The following PDS5A variants were observed in gnomAD, a reference collection of about 807,000 sequenced individuals.
The protein encoded by PDS5A is PDS5 cohesin associated factor A, also known as sister chromatid cohesion protein PDS5 homolog A.
A neutral mutation model predicts 167.1 loss-of-function variants in PDS5A; 42 were observed. That is an observed-to-expected ratio of 0.25 (90% CI 0.20 to 0.33). PDS5A has a LOEUF of 0.33. Ranked by LOEUF, PDS5A falls within the 10% of genes least tolerant of loss-of-function variation. The pLI, the probability that PDS5A is intolerant of heterozygous loss-of-function variation, is 1.00. For synonymous variants in PDS5A, 553 were observed against 554.6 expected, an observed-to-expected ratio of 1.00 and a Z score of 0.04; for missense variants, 1,033 against 1,605.9, an observed-to-expected ratio of 0.64 and a Z score of 6.10.
At chr4:39,829,904 T>C (rs572073438) in intron 32 of PDS5A, among the ~76,000 whole-genome samples, 4 of 120,280 alleles carry the variant, frequency 3.3e-5, no homozygotes, top group African/African-American at 1.3e-4. Context: ...AGAGCTGAGA[T>C]CGAGCCACTG....
At position 39,873,067 on chromosome 4, in the gene PDS5A, C is replaced by A; in HGVS notation, c.2355G>T (p.Met785Ile). The change falls in exon 21 of 33, where the codon ATG becomes ATT. Residue 785 changes from methionine to isoleucine, a missense_variant. Met to Ile is a conservative substitution (Grantham distance 10, BLOSUM62 1). Coordinates refer to ENST00000303538, the MANE Select transcript of PDS5A (RefSeq NM_001100399.2). Reference sequence around the variant, plus strand: ...GGGAAGCAAACTGATCTGGTGCTAACATAGAAATGTGGCCCAATGAAACTA... The same window carrying A: ...GGGAAGCAAACTGATCTGGTGCTAAAATAGAAATGTGGCCCAATGAAACTA... ...TPLVSLGHIS[M>I]LAPDQFASPM... is the part of the protein sequence containing the mutation. 2 of 1,560,320 alleles carry A rather than the reference C, an allele frequency of 1.3e-6. No homozygotes were observed. Among genetic ancestry groups the A allele is most frequent in the South Asian group, 1.2e-5 (1 of 83,504 alleles).
intron 16 of PDS5A, among the ~76,000 whole-genome samples, chr4:39,896,490 C>T (rs1366962551): frequency 1.3e-5 from 2 of 151,618 alleles, no homozygotes; most frequent in African/African-American, 4.8e-5. Context: ...TTTTTGGCTG[C>T]ATGTGGTGGC....
At chr4:39,832,540 A>C (rs532622483) in intron 32 of PDS5A, among the ~76,000 whole-genome samples, 18 of 152,024 alleles carry the variant, frequency 1.2e-4, no homozygotes, top group African/African-American at 4.3e-4. Context: ...ATAAACTCAT[A>C]CTAACTTGTT....
At chr4:39,926,518 C>CAAAAAA (rs34277222) in intron 4 of PDS5A, among the ~76,000 whole-genome samples, 1 of 109,208 alleles carries the variant, frequency 9.2e-6, no homozygotes. Flanking sequence ...AACTACGTCT[C>CAAAAAA]AAAAAAAAAA....
chr4:39,825,468 C>T lies in PDS5A; in HGVS notation c.*17G>A. ...GCTTCTGTTTGGCCTTCATTTTCTC[C>T]CTTTGCAAATGCATTTTTACCTTAG... On this transcript the variant is annotated 3_prime_UTR_variant, in exon 33 of 33. Transcript: ENST00000303538. The T allele has an allele frequency of 6.3e-7, 1 of 1,578,604 alleles. No individual in the cohort carries two copies.
chr4:39,887,648 GA>G (rs1410998930), intron 17 of PDS5A, among the ~76,000 whole-genome samples: 1 of 152,146 alleles, frequency 6.6e-6, no homozygotes, highest in Non-Finnish European at 1.5e-5. Context: ...AATGCTTAAA[GA>G]CAGTGATCTG....
At position 39,958,623 on chromosome 4, in the gene PDS5A, T is replaced by C. The variant is rs551890033; in HGVS notation, c.138+17817A>G. Among the ~76,000 whole-genome samples, 44 of 152,034 alleles carry C rather than the reference T, an allele frequency of 2.9e-4. No homozygotes were observed. The South Asian group carries it at 3.7e-3, about 13-fold the overall frequency. On this transcript the variant is annotated intron_variant, in intron 2 of 32. Transcript: ENST00000303538. ...TTCTTGTCTTTTTTTTTTTCTTTTCTTTTTTCTTTGAGACAGAGTCTCACT... is the reference window on the plus strand; with the variant it reads ...TTCTTGTCTTTTTTTTTTTCTTTTCCTTTTTCTTTGAGACAGAGTCTCACT...
intron 9 of PDS5A, among the ~76,000 whole-genome samples, chr4:39,912,003 G>C (rs1011773289): frequency 6.6e-6 from 1 of 152,042 alleles, no homozygotes; most frequent in Admixed American, 6.5e-5. Flanking sequence ...AAAAAACCAA[G>C]TAAACAAAAA....
At chr4:39,969,496 G>A (rs1367581739) in intron 2 of PDS5A, among the ~76,000 whole-genome samples, 1 of 152,030 alleles carries the variant, frequency 6.6e-6, no homozygotes, top group East Asian at 1.9e-4. Context: ...GTAAAACCCC[G>A]TGTCTACTAA....
intron 7 of PDS5A, among the ~76,000 whole-genome samples, chr4:39,919,569 C>T (rs965887202): frequency 6.6e-6 from 1 of 152,052 alleles, no homozygotes. Context: ...GGCGTCAACC[C>T]GGGAGGCGGA....
chr4:39,904,483 C>T (rs896081599), intron 11 of PDS5A, among the ~76,000 whole-genome samples: 8 of 152,076 alleles, frequency 5.3e-5, no homozygotes, highest in African/African-American at 1.7e-4. Context: ...GGACTACAGG[C>T]GCCCGCACGC....
chr4:39,872,582 C>T (rs1720141385), intron 21 of PDS5A, among the ~76,000 whole-genome samples: 2 of 151,996 alleles, frequency 1.3e-5, no homozygotes, highest in African/African-American at 4.8e-5. Flanking sequence ...TGAGAGGAGG[C>T]CAAGGTTGCA....
intron 2 of PDS5A, among the ~76,000 whole-genome samples, chr4:39,964,215 T>A (rs940840458): frequency 3.3e-5 from 5 of 152,066 alleles, no homozygotes; most frequent in African/African-American, 4.8e-5. Context: ...ACCTTATGGA[T>A]GTTAGAGGAA....
chr4:39,852,970 G>A (rs986187342), intron 26 of PDS5A, among the ~76,000 whole-genome samples: 7 of 151,982 alleles, frequency 4.6e-5, no homozygotes, highest in South Asian at 2.1e-4. Context: ...GAAATTGTTC[G>A]CCTGTGAAAT....
chr4:39,873,043 G>C lies in PDS5A; in HGVS notation c.2379C>G (p.Ser793=). 1 of 1,539,638 alleles carries C rather than the reference G, an allele frequency of 6.5e-7. No homozygotes were observed. Among genetic ancestry groups the C allele is most frequent in the African/African-American group, 1.3e-5 (1 of 74,210 alleles). The part of the protein sequence containing the change: ...ISMLAPDQFA[S]PMKSVVANFI... ...AATTTGCTACTACAGATTTCATTGG[G>C]GAAGCAAACTGATCTGGTGCTAACA... Residue 793 remains serine, a synonymous_variant, in exon 21 of 33, where the codon TCC becomes TCG. Transcript: ENST00000303538.
chr4:39,873,626 A>T (rs1026921109), intron 20 of PDS5A, among the ~76,000 whole-genome samples: 2 of 152,200 alleles, frequency 1.3e-5, no homozygotes, highest in African/African-American at 4.8e-5. Flanking sequence ...GGGAAACAGG[A>T]TTAATTTTCA....
chr4:39,961,710 A>C (rs1216774791), intron 2 of PDS5A, among the ~76,000 whole-genome samples: 2 of 152,198 alleles, frequency 1.3e-5, no homozygotes, highest in Non-Finnish European at 2.9e-5. Context: ...AAATATTTTA[A>C]TGTGCCAATA....
chr4:39,956,818 GC>G (rs1333412361), intron 2 of PDS5A, among the ~76,000 whole-genome samples: 1 of 151,752 alleles, frequency 6.6e-6, no homozygotes, highest in East Asian at 1.9e-4. Context: ...GACTATAGGC[GC>G]CTGCACCACA....
chr4:39,915,106 A>G (rs1209638005), intron 8 of PDS5A, among the ~76,000 whole-genome samples: 1 of 151,340 alleles, frequency 6.6e-6, no homozygotes, highest in African/African-American at 2.4e-5. Flanking sequence ...TGGCAGGATC[A>G]TGGCTCACTG....
Sources: gnomAD v4.1 joint callset for allele counts (sites outside exome capture counted in the v4.1 genomes callset) on GRCh38, gnomAD v4.1.1 for gene constraint, MANE v1.5 for transcripts, NCBI Gene and HGNC (gene_info 2026-07-23, HGNC 2026-07-21) for gene names.